The following POMK variants were observed in gnomAD, a reference collection of about 807,000 sequenced individuals.
POMK encodes the protein Sugen kinase 196.
Under a neutral mutation model 23.0 loss-of-function variants are expected in POMK, and 19 were observed. That is an observed-to-expected ratio of 0.83 (90% confidence interval 0.58 to 1.21). The LOEUF (loss-of-function observed/expected upper bound fraction) is 1.21, where lower values mean the gene tolerates loss of function less well. POMK is among the 50% of genes most tolerant of loss of function. The pLI, the probability that POMK is intolerant of heterozygous loss-of-function variation, is 0.00. For synonymous variants in POMK, 173 were observed against 171.6 expected (o/e 1.01, Z -0.06); for missense variants, 410 against 431.3 (o/e 0.95, Z 0.44).
Position 43,103,574 on chromosome 8 carries a change from G to A in POMK, c.26G>A (p.Arg9Lys). Residue 9 changes from arginine to lysine, a missense_variant, in exon 4 of 5, where the codon AGG becomes AAG. Coordinates refer to ENST00000331373, the MANE Select transcript of POMK (RefSeq NM_032237.5). Reference sequence around the variant, plus strand: ...ATGGAAAAGCAGCCCCAGAACAGCAGGAGAGGCCTCGCCCCCCGAGAGGTG... The same window carrying A: ...ATGGAAAAGCAGCCCCAGAACAGCAAGAGAGGCCTCGCCCCCCGAGAGGTG... MEKQPQNS[R>K]RGLAPREVPP... 6.2e-7 allele frequency: 1 copy of A among 1,614,018 alleles called. No homozygotes were observed. Among genetic ancestry groups the A allele is most frequent in the Non-Finnish European group, 8.5e-7 (1 of 1,180,018 alleles).
intron 3 of POMK, among the ~76,000 whole-genome samples, chr8:43,102,827 C>A (rs759661978): frequency 6.6e-6 from 1 of 152,234 alleles, no homozygotes; most frequent in Non-Finnish European, 1.5e-5. Flanking sequence ...ACGGCTCCAG[C>A]GGTAGAGCCC....
intron 1 of POMK, among the ~76,000 whole-genome samples, chr8:43,094,091 T>C (rs1163055045): frequency 2.0e-5 from 3 of 152,206 alleles, no homozygotes; most frequent in Non-Finnish European, 4.4e-5. Context: ...TATTATTACT[T>C]TATCATTATT....
chr8:43,114,932 A>G (rs907153840), intron 4 of POMK, among the ~76,000 whole-genome samples: 4 of 152,124 alleles, frequency 2.6e-5, no homozygotes, highest in Non-Finnish European at 5.9e-5. Context: ...CTGGGAGTCA[A>G]ATTTTTTTTT....
rs35104071 is a variant in POMK at position 43,122,539 on chromosome 8, G to A, written c.715G>A (p.Gly239Arg). 1.9e-5 allele frequency: 30 copies of A among 1,614,040 alleles called. No homozygotes were observed. Among genetic ancestry groups the A allele is most frequent in the African/African-American group, 9.3e-5 (7 of 74,904 alleles). Residue 239 changes from glycine (G) to arginine (R), a missense_variant, in exon 5 of 5, where the codon GGG becomes AGG. By Grantham distance (125) the Gly-to-Arg change is moderately radical. Transcript: ENST00000331373. ...DALPLVNHSSGMLVKCGHREL... is the reference protein window; with the variant it reads ...DALPLVNHSSRMLVKCGHREL... ...CTTACCCCTGGTGAACCACAGCTCC[G>A]GGATGCTGGTGAAGTGCGGCCACAG...
intron 4 of POMK, among the ~76,000 whole-genome samples, chr8:43,120,427 G>T (rs1811889238): frequency 6.6e-6 from 1 of 151,678 alleles, no homozygotes; most frequent in African/African-American, 2.4e-5. Context: ...CGTCATGTTG[G>T]CTAGGCTGGT....
At chr8:43,116,011 C>T (rs756717986) in intron 4 of POMK, among the ~76,000 whole-genome samples, 23 of 152,254 alleles carry the variant, frequency 1.5e-4, no homozygotes, top group Non-Finnish European at 2.4e-4. Flanking sequence ...ACCTCCTTCA[C>T]GGTCTTGCTC....
intron 3 of POMK, 115 bp from the exon 4 acceptor site, chr8:43,103,413 G>T: frequency 1.1e-6 from 1 of 936,690 alleles, no homozygotes; most frequent in Non-Finnish European, 1.7e-6. Context: ...TAATCCCCAC[G>T]GTAACGCTGC....
In POMK at chr8:43,103,692, C is replaced by T. The variant is rs755154887; in HGVS notation, c.144C>T (p.Ser48=). 6.2e-7 allele frequency: 1 copy of T among 1,614,132 alleles called. No homozygotes were observed. The highest frequency in any genetic ancestry group is 2.2e-5 in the East Asian group (1 of 44,866). ...LDHFFIAPRQ[S]TVDPTHCPYG... ...ACTTCTTCATCGCTCCTCGACAATC[C>T]ACTGTGGACCCCACACACTGTCCCT... The change falls in exon 4 of 5, where the codon TCC becomes TCT. Residue 48 remains serine (S), a synonymous_variant. Transcript: ENST00000331373.
At chr8:43,119,831 A>G (rs1210436609) in intron 4 of POMK, among the ~76,000 whole-genome samples, 4 of 152,160 alleles carry the variant, frequency 2.6e-5, no homozygotes, top group Admixed American at 1.3e-4. Flanking sequence ...GTTATGAGCC[A>G]ATCAAAGTTA....
intron 4 of POMK, among the ~76,000 whole-genome samples, chr8:43,110,014 C>T (rs1289845607): frequency 6.6e-6 from 1 of 152,188 alleles, no homozygotes; most frequent in Non-Finnish European, 1.5e-5. Context: ...CACAGAATCT[C>T]TTACAATTAA....
chr8:43,120,728 A>G (rs1302333421), intron 4 of POMK, among the ~76,000 whole-genome samples: 1 of 147,764 alleles, frequency 6.8e-6, no homozygotes, highest in Non-Finnish European at 1.5e-5. Flanking sequence ...CCCAGGCTGG[A>G]GCACAGTGGC....
intron 2 of POMK, among the ~76,000 whole-genome samples, chr8:43,100,563 A>AG (rs535740997): frequency 9.1e-4 from 137 of 150,350 alleles, no homozygotes; most frequent in African/African-American, 3.1e-3. Context: ...GTGCTTATGG[A>AG]GGGGAGGTGG....
chr8:43,103,047 G>A (rs1811475137), intron 3 of POMK, among the ~76,000 whole-genome samples: 1 of 152,130 alleles, frequency 6.6e-6, no homozygotes, highest in South Asian at 2.1e-4. Context: ...TCTTAAAACT[G>A]TTGAGGGGAT....
intron 4 of POMK, among the ~76,000 whole-genome samples, chr8:43,106,870 G>A (rs140164915): frequency 1.6e-3 from 247 of 152,244 alleles, no homozygotes; most frequent in African/African-American, 5.7e-3. Context: ...TTCTTAAGGT[G>A]TGGGCTATGA....
At chr8:43,098,923 C>G (rs1024648112) in intron 2 of POMK, among the ~76,000 whole-genome samples, 2 of 152,122 alleles carry the variant, frequency 1.3e-5, no homozygotes, top group African/African-American at 2.4e-5. Flanking sequence ...AATGTCTGTT[C>G]AAGTCCTTTG....
chr8:43,101,433 A>AAAAG (rs1811439053), intron 2 of POMK, among the ~76,000 whole-genome samples: 1 of 151,590 alleles, frequency 6.6e-6, no homozygotes, highest in African/African-American at 2.4e-5. Context: ...AAAAAAAAAA[A>AAAAG]AAAAGGAAGA....
chr8:43,110,226 CTG>C (rs1416425357), intron 4 of POMK, among the ~76,000 whole-genome samples: 1 of 151,984 alleles, frequency 6.6e-6, no homozygotes, highest in African/African-American at 2.4e-5. Flanking sequence ...GCATATTACA[CTG>C]TTAACTCAAT....
intron 4 of POMK, among the ~76,000 whole-genome samples, chr8:43,108,383 TTGTATTTATGAAAATA>T (rs1016671073): frequency 6.6e-6 from 1 of 152,254 alleles, no homozygotes; most frequent in Admixed American, 6.5e-5. Context: ...CAGATTCTTA[TTGTATTTATGAAAATA>T]ACTGTATTGC....
chr8:43,122,736 C>T lies in POMK; in HGVS notation c.912C>T (p.Phe304=). The change falls in exon 5 of 5, where the codon TTC becomes TTT. Residue 304 remains phenylalanine, a synonymous_variant. Transcript: ENST00000331373. ...TTGAAGGGAGTGATATGGTCCGATT[C>T]CATTTGTTTGATATTCACAAAGCAT... ...GHIEGSDMVR[F]HLFDIHKACK... 6.2e-7 allele frequency: 1 copy of T among 1,614,186 alleles called. No individual in the cohort carries two copies. The highest frequency in any genetic ancestry group is 8.5e-7 in the Non-Finnish European group (1 of 1,180,038).
Sources: gnomAD v4.1 joint callset for allele counts (sites outside exome capture counted in the v4.1 genomes callset) on GRCh38, gnomAD v4.1.1 for gene constraint, MANE v1.5 for transcripts, NCBI Gene and HGNC (gene_info 2026-07-23, HGNC 2026-07-21) for gene names.